Variants in SGK3 observed in about 807,000 individuals in gnomAD.
SGK3 encodes serum/glucocorticoid regulated kinase family member 3.
A neutral mutation model predicts 68.5 loss-of-function variants in SGK3; 47 were observed. The observed-to-expected ratio is 0.69, with a 90% CI of 0.54 to 0.87. The LOEUF (loss-of-function observed/expected upper bound fraction) is 0.87. Among genes scored for constraint, SGK3 ranks in the 40% least tolerant of loss-of-function variants. The pLI, the probability that SGK3 is intolerant of heterozygous loss-of-function variation, is 0.00. For synonymous variants in SGK3, 181 were observed against 189.1 expected (o/e 0.96, Z 0.35); for missense variants, 479 against 575.5 (o/e 0.83, Z 1.72).
At chr8:66,776,314 T>C (rs992716200) in intron 1 of SGK3, among the ~76,000 whole-genome samples, 2 of 152,230 alleles carry the variant, frequency 1.3e-5, no homozygotes, top group Non-Finnish European at 2.9e-5. Context: ...TTAAGGTGAA[T>C]GTAGCCTCAT....
At chr8:66,848,375 T>C (rs749840588) in intron 15 of SGK3, among the ~76,000 whole-genome samples, 28 of 152,224 alleles carry the variant, frequency 1.8e-4, no homozygotes, top group Admixed American at 3.3e-4. Flanking sequence ...TTTGTTTCTC[T>C]GTGTAGCTTA....
intron 1 of SGK3, among the ~76,000 whole-genome samples, chr8:66,717,703 A>G (rs919312393): frequency 4.6e-5 from 7 of 151,634 alleles, no homozygotes; most frequent in African/African-American, 1.7e-4. Context: ...TTAATTAATT[A>G]TTATTATTAT....
At chr8:66,812,277 G>T (rs1373163237) in intron 4 of SGK3, among the ~76,000 whole-genome samples, 1 of 152,034 alleles carries the variant, frequency 6.6e-6, no homozygotes, top group Non-Finnish European at 1.5e-5. Context: ...CTTAAGAATT[G>T]GCTGGGTGCG....
At chr8:66,841,163 T>G in intron 13 of SGK3, 53 bp downstream of exon 13, 11 of 1,350,472 alleles carry the variant, frequency 8.1e-6, no homozygotes, top group Non-Finnish European at 1.0e-5. Flanking sequence ...AATGCAAATA[T>G]GAATTACAGA....
At chr8:66,723,091 A>T (rs1447063348) in intron 1 of SGK3, among the ~76,000 whole-genome samples, 2 of 15,300 alleles carry the variant, frequency 1.3e-4, no homozygotes, top group African/African-American at 7.7e-4. Context: ...GATTTTGTTC[A>T]TATATATATA....
intron 4 of SGK3, among the ~76,000 whole-genome samples, chr8:66,805,863 G>A (rs1317205628): frequency 6.6e-6 from 1 of 152,140 alleles, no homozygotes; most frequent in African/African-American, 2.4e-5. Context: ...AGAGATCTTG[G>A]TCACTACTCA....
intron 1 of SGK3, among the ~76,000 whole-genome samples, chr8:66,718,406 A>G (rs1159196911): frequency 6.6e-6 from 1 of 151,368 alleles, no homozygotes; most frequent in East Asian, 1.9e-4. Flanking sequence ...ATACATGCAG[A>G]TAAATATATA....
At position 66,801,590 on chromosome 8, in the gene SGK3, C is replaced by T. The variant is rs190147580; in HGVS notation, c.181-2785C>T. On this transcript the variant is annotated intron_variant, in intron 3 of 16. Coordinates refer to ENST00000521198, the MANE Select transcript of SGK3 (RefSeq NM_001033578.3). ...CCCACCAGGATGCCTGGGTTATGCT[C>T]GGGTAAAAATGACATGACTGTAGTG... 2.8e-4 allele frequency among the ~76,000 whole-genome samples: 42 copies of T among 152,086 alleles called. 1 individual carries two copies. The highest frequency in any genetic ancestry group is 2.5e-3 in the East Asian group (13 of 5,178).
rs566728702 is a variant in SGK3, at chr8:66,842,777, T to A, written c.979-675T>A. 2.0e-5 allele frequency among the ~76,000 whole-genome samples: 3 copies of A among 152,328 alleles called. No homozygotes were observed. In the East Asian group the frequency reaches 5.8e-4, roughly 29 times the overall value. ...AAAAAAAGGATTATAATTGCTACAT[T>A]AAGTATTCTTGCCGGGTGCCGTGGC... On this transcript the variant is annotated intron_variant, in intron 13 of 16. Transcript: ENST00000521198.
At chr8:66,814,154 T>C (rs1808489631) in intron 5 of SGK3, among the ~76,000 whole-genome samples, 1 of 152,220 alleles carries the variant, frequency 6.6e-6, no homozygotes, top group Admixed American at 6.5e-5. Context: ...AGATTATACT[T>C]GAAATGAATT....
At chr8:66,775,624 C>T (rs1806676483) in intron 1 of SGK3, 1 of 152,266 alleles carries the variant, frequency 6.6e-6, no homozygotes, top group Non-Finnish European at 1.5e-5. Flanking sequence ...CTCTAAATGT[C>T]GAGAAGCCCC....
chr8:66,770,893 C>A (rs764724505), intron 1 of SGK3, among the ~76,000 whole-genome samples: 1 of 152,194 alleles, frequency 6.6e-6, no homozygotes, highest in Non-Finnish European at 1.5e-5. Flanking sequence ...CTGCTGGGCT[C>A]TCCTTCATTC....
At chr8:66,832,897 TTTTG>T (rs751469402) in intron 8 of SGK3, among the ~76,000 whole-genome samples, 4 of 149,672 alleles carry the variant, frequency 2.7e-5, no homozygotes, top group East Asian at 1.9e-4. Context: ...AAACTGGTTT[TTTTG>T]TTTGTTTTGT....
At chr8:66,767,287 T>C in intron 1 of SGK3, 2 of 691,858 alleles carry the variant, frequency 2.9e-6, no homozygotes, top group South Asian at 3.8e-5. Flanking sequence ...CTCCTGTTTT[T>C]CCTTTTAATG....
At chr8:66,761,235 C>T (rs572650362) in intron 1 of SGK3, among the ~76,000 whole-genome samples, 58 of 152,210 alleles carry the variant, frequency 3.8e-4, no homozygotes, top group African/African-American at 1.3e-3. Context: ...GTTTCAGCCT[C>T]CTGAACAGCT....
At chr8:66,740,863 C>T (rs1032445044) in intron 1 of SGK3, among the ~76,000 whole-genome samples, 32 of 146,312 alleles carry the variant, frequency 2.2e-4, no homozygotes, top group Admixed American at 1.8e-3. Flanking sequence ...GCCGAGATTG[C>T]GCCACTGCAC....
At chr8:66,839,379 T>C (rs1809672217) in intron 10 of SGK3, among the ~76,000 whole-genome samples, 1 of 149,442 alleles carries the variant, frequency 6.7e-6, no homozygotes, top group South Asian at 2.1e-4. Context: ...AGCTTATCTT[T>C]TTAAAAAAAA....
intron 15 of SGK3, among the ~76,000 whole-genome samples, chr8:66,847,864 C>CTTTT (rs34161130): frequency 1.8e-5 from 2 of 111,190 alleles, no homozygotes; most frequent in East Asian, 2.6e-4. Context: ...CACTAAGTCA[C>CTTTT]TTTTTTTTTT....
At chr8:66,759,386 G>T (rs891810375) in intron 1 of SGK3, among the ~76,000 whole-genome samples, 1 of 151,372 alleles carries the variant, frequency 6.6e-6, no homozygotes, top group Non-Finnish European at 1.5e-5. Flanking sequence ...CACTGTGCTG[G>T]GCCAATAAGG....
Sources: allele counts gnomAD v4.1 joint callset (sites outside exome capture counted in the v4.1 genomes callset), GRCh38; gene constraint gnomAD v4.1.1; transcripts MANE v1.5; gene names NCBI Gene and HGNC (gene_info 2026-07-23, HGNC 2026-07-21).